The following IGSF21 variants were observed in gnomAD, a reference collection of about 807,000 sequenced individuals.
The protein encoded by IGSF21 is immunoglobulin superfamily member 21.
IGSF21 carries 28 observed loss-of-function variants against 46.8 expected under a neutral mutation model. That is an observed-to-expected ratio of 0.60 (90% CI 0.44 to 0.82). IGSF21 has a LOEUF of 0.82. Ranked by LOEUF, IGSF21 falls within the 40% of genes least tolerant of loss-of-function variation. IGSF21 has a pLI of 0.00. For missense variants in IGSF21, 624 were observed against 665.5 expected (o/e 0.94, Z 0.69); for synonymous variants, 284 against 273.6 (o/e 1.04, Z -0.38).
chr1:18,179,983 G>C (rs982775854), intron 1 of IGSF21, among the ~76,000 whole-genome samples: 15 of 152,154 alleles, frequency 9.9e-5, no homozygotes, highest in African/African-American at 3.4e-4. Context: ...CTCCTGGCCT[G>C]GCATCCTCTT....
intron 2 of IGSF21, among the ~76,000 whole-genome samples, chr1:18,256,784 C>T (rs1236391338): frequency 1.3e-5 from 2 of 152,196 alleles, no homozygotes; most frequent in Non-Finnish European, 2.9e-5. Context: ...ATCCCAGCCG[C>T]AAATAATTTA....
At chr1:18,287,962 A>G in intron 2 of IGSF21, among the ~76,000 whole-genome samples, 1 of 152,086 alleles carries the variant, frequency 6.6e-6, no homozygotes, top group Non-Finnish European at 1.5e-5. Flanking sequence ...GGGGAGGGAC[A>G]CAGAAAAACA....
chr1:18,153,831 C>T (rs1216746610), intron 1 of IGSF21, among the ~76,000 whole-genome samples: 1 of 152,178 alleles, frequency 6.6e-6, no homozygotes, highest in Non-Finnish European at 1.5e-5. Context: ...GCGAATCCAT[C>T]CCCACTGAAC....
chr1:18,329,673 G>C (rs1176743204), intron 3 of IGSF21, among the ~76,000 whole-genome samples: 1 of 152,148 alleles, frequency 6.6e-6, no homozygotes. Flanking sequence ...GGTGGAGGTG[G>C]CATCTGAATG....
intron 3 of IGSF21, among the ~76,000 whole-genome samples, chr1:18,328,149 G>A (rs935497389): frequency 2.6e-5 from 4 of 152,122 alleles, no homozygotes; most frequent in South Asian, 2.1e-4. Flanking sequence ...AGATGTTCCC[G>A]GACTTATGAT....
At chr1:18,183,741 G>T (rs906744109) in intron 1 of IGSF21, among the ~76,000 whole-genome samples, 1 of 152,168 alleles carries the variant, frequency 6.6e-6, no homozygotes, top group African/African-American at 2.4e-5. Context: ...ATGGTGGGTT[G>T]AACTGTGTAG....
chr1:18,139,998 G>A (rs1178728672), intron 1 of IGSF21, among the ~76,000 whole-genome samples: 4 of 152,162 alleles, frequency 2.6e-5, no homozygotes, highest in African/African-American at 9.7e-5. Context: ...TCAGGCTGAA[G>A]TGCAGTGGTG....
At chr1:18,305,546 T>TGATGGATG (rs151122242) in intron 3 of IGSF21, among the ~76,000 whole-genome samples, 11,870 of 123,568 alleles carry the variant, frequency 0.096, 979 homozygotes, top group South Asian at 0.15. Flanking sequence ...GATGGATGGA[T>TGATGGATG]GATGGATGGA....
At chr1:18,298,381 G>A (rs116661646) in intron 3 of IGSF21, among the ~76,000 whole-genome samples, 3,441 of 152,278 alleles carry the variant, frequency 0.023, 142 homozygotes, top group African/African-American at 0.079. Context: ...GTGTCCTGAA[G>A]CCCCTCCCCA....
chr1:18,358,458 G>A (rs2086048417), intron 4 of IGSF21, among the ~76,000 whole-genome samples: 1 of 152,220 alleles, frequency 6.6e-6, no homozygotes, highest in South Asian at 2.1e-4. Flanking sequence ...TACAGCACAT[G>A]TGAACTTGAA....
intron 1 of IGSF21, among the ~76,000 whole-genome samples, chr1:18,165,386 G>T (rs1003187985): frequency 6.6e-6 from 1 of 152,114 alleles, no homozygotes; most frequent in Non-Finnish European, 1.5e-5. Context: ...GCAATTTCTG[G>T]TGTCTCTTGT....
intron 1 of IGSF21, 96 bp from the exon 2 acceptor site, chr1:18,227,802 C>T (rs2084583536): frequency 1.2e-6 from 1 of 841,132 alleles, no homozygotes; most frequent in Non-Finnish European, 2.0e-6. Context: ...CCCAAACTTC[C>T]CTCCTCTGTC....
chr1:18,136,299 T>C (rs1188518217), intron 1 of IGSF21, among the ~76,000 whole-genome samples: 1 of 152,178 alleles, frequency 6.6e-6, no homozygotes, highest in Admixed American at 6.5e-5. Context: ...TTTGTTGCCA[T>C]TGCTTTTGGT....
intron 4 of IGSF21, among the ~76,000 whole-genome samples, chr1:18,336,655 C>A (rs990382400): frequency 2.0e-5 from 3 of 152,206 alleles, no homozygotes. Flanking sequence ...AACCATCCCT[C>A]CATGAGGCCC....
In IGSF21 at chr1:18,365,331, C is replaced by T. The variant is rs1569884616; in HGVS notation, c.649C>T (p.His217Tyr). The change falls in exon 6 of 10, where the codon CAC (histidine) becomes TAC (tyrosine). Residue 217 changes from histidine (H) to tyrosine (Y), a missense_variant. Coordinates refer to ENST00000251296, the MANE Select transcript of IGSF21 (RefSeq NM_032880.5). The surrounding 1 kb of genome is among the most constrained non-coding windows in gnomAD (Gnocchi z 4.8). ...CAGCAGGCCCTTCCGCAGCCTTCTG[C>T]ACCGTGACCTGGATGACACCAAGAT... ...QDSRPFRSLL[H>Y]RDLDDTKMQK... is the part of the protein sequence containing the mutation. 4 of 1,614,050 alleles carry T rather than the reference C, an allele frequency of 2.5e-6. No individual in the cohort carries two copies. The highest frequency in any genetic ancestry group is 2.7e-5 in the African/African-American group (2 of 74,918).
intron 3 of IGSF21, among the ~76,000 whole-genome samples, chr1:18,305,508 GGATGA>G (rs1269641975): frequency 8.9e-5 from 11 of 123,316 alleles, no homozygotes; most frequent in Non-Finnish European, 1.3e-4. Flanking sequence ...ATGGATGGAT[GGATGA>G]ATGGATGGAT....
At chr1:18,347,043 T>C (rs2085901165) in intron 4 of IGSF21, among the ~76,000 whole-genome samples, 1 of 152,168 alleles carries the variant, frequency 6.6e-6, no homozygotes, top group South Asian at 2.1e-4. Flanking sequence ...ACAGATGGGT[T>C]TGGGGCTCGG....
intron 1 of IGSF21, among the ~76,000 whole-genome samples, chr1:18,154,087 G>A (rs1008468682): frequency 6.6e-6 from 1 of 152,216 alleles, no homozygotes; most frequent in Admixed American, 6.5e-5. Flanking sequence ...TGAGCCCACT[G>A]TCTGTGTGTT....
At chr1:18,162,519 A>C (rs2086637247) in intron 1 of IGSF21, among the ~76,000 whole-genome samples, 1 of 152,190 alleles carries the variant, frequency 6.6e-6, no homozygotes. Flanking sequence ...TGATACACTG[A>C]TACCCTGCAG....
Sources: allele counts gnomAD v4.1 joint callset (sites outside exome capture counted in the v4.1 genomes callset), GRCh38; gene constraint gnomAD v4.1.1; non-coding constraint Gnocchi (gnomAD v3.1); transcripts MANE v1.5; gene names NCBI Gene and HGNC (gene_info 2026-07-23, HGNC 2026-07-21).